Variants in COL5A3 observed in about 807,000 individuals in gnomAD.
The protein encoded by COL5A3 is collagen alpha-3(V) chain.
In COL5A3, 172 loss-of-function variants were observed where a neutral mutation model predicts 250.0. That is an observed-to-expected ratio of 0.69 (90% CI 0.61 to 0.78). The LOEUF (loss-of-function observed/expected upper bound fraction) is 0.78. Ranked by LOEUF, COL5A3 falls within the 30% of genes least tolerant of loss-of-function variation. COL5A3 has a pLI of 0.00. For synonymous variants in COL5A3, 937 were observed against 900.4 expected (o/e 1.04, Z -0.73); for missense variants, 2,340 against 2,334.4 (o/e 1.00, Z -0.05).
Position 10,009,423 on chromosome 19 carries a change from C to T in COL5A3, c.88+875G>A, listed in dbSNP as rs2087493191. On this transcript the variant is annotated intron_variant, in intron 1 of 66. Coordinates refer to ENST00000264828, the MANE Select transcript of COL5A3 (RefSeq NM_015719.4). This position sits in a 1 kb window ranked among gnomAD's most constrained non-coding sequence, Gnocchi z 4.4. ...GCTGACTCACCCATCCGGCGGCCCC[C>T]GGGACCCCTTGGGGGCTCCTGAGAA... Among the ~76,000 whole-genome samples the T allele has an allele frequency of 1.3e-5, 2 of 148,498 alleles. No homozygotes were observed. The highest frequency in any genetic ancestry group is 4.5e-4 in the South Asian group (2 of 4,466).
At chr19:10,008,186 G>C (rs956587536) in intron 1 of COL5A3, among the ~76,000 whole-genome samples, 1 of 151,994 alleles carries the variant, frequency 6.6e-6, no homozygotes, top group East Asian at 1.9e-4. Flanking sequence ...GATTGAGACC[G>C]ACGACCTCAC....
At chr19:9,999,469 C>CTTTTTTTTTTTTTTTTTTTTTTTTTTTT (rs530527039) in intron 8 of COL5A3, among the ~76,000 whole-genome samples, 1 of 120,400 alleles carries the variant, frequency 8.3e-6, no homozygotes, top group Non-Finnish European at 1.6e-5. Flanking sequence ...TTTCTTTTTT[C>CTTTTTTTTTTTTTTTTTTTTTTTTTTTT]TTTTTTTTTT....
At chr19:10,010,246 G>T in intron 1 of COL5A3, 52 bp downstream of exon 1, 2 of 851,634 alleles carry the variant, frequency 2.3e-6, no homozygotes, top group Non-Finnish European at 3.3e-6. Flanking sequence ...CGCTCTTTTA[G>T]AGCCTCTCTG....
rs2086785489 is a variant in COL5A3 at position 9,968,463 on chromosome 19, G to A, written c.4236C>T (p.Gly1412=). 5 of 1,587,644 alleles carry A rather than the reference G, an allele frequency of 3.1e-6. No homozygotes were observed. The highest frequency in any genetic ancestry group is 1.4e-5 in the African/African-American group (1 of 72,924). ...CTTTCTCACCAGCTTCTCCCGGGGGGCCAATGAGACCGATCAATCCAATGT... is the reference window on the plus strand; with the variant it reads ...CTTTCTCACCAGCTTCTCCCGGGGGACCAATGAGACCGATCAATCCAATGT... The part of the protein sequence containing the change: ...KGHIGLIGLI[G]PPGEAGEKGD... Residue 1412 remains glycine, a synonymous_variant, in exon 59 of 67, where the codon GGC becomes GGT. Transcript: ENST00000264828. The surrounding 1 kb of genome is among the most constrained non-coding windows in gnomAD (Gnocchi z 4.1).
chr19:9,980,558 C>T, intron 35 of COL5A3, 90 bp downstream of exon 35: 7 of 1,527,000 alleles, frequency 4.6e-6, no homozygotes, highest in Non-Finnish European at 6.2e-6. Context: ...ATTATAATGT[C>T]TCTTCATCTC....
At position 10,006,894 on chromosome 19, in the gene COL5A3, T is replaced by C. The variant is rs114823571; in HGVS notation, c.89-663A>G. Among the ~76,000 whole-genome samples the C allele has an allele frequency of 6.3e-3, 950 of 151,962 alleles. 9 individuals are homozygous for C. The highest frequency in any genetic ancestry group is 0.021 in the African/African-American group (885 of 41,404). On this transcript the variant is annotated intron_variant, in intron 1 of 66. Coordinates refer to ENST00000264828, the MANE Select transcript of COL5A3 (RefSeq NM_015719.4). ...TGATCCCAAACTCCTCCTTCTGAAT[T>C]TCCCCTTTGACCTCTTCCCTCTGAC...
intron 64 of COL5A3, among the ~76,000 whole-genome samples, chr19:9,964,412 C>A (rs1387892679): frequency 6.6e-6 from 1 of 152,018 alleles, no homozygotes; most frequent in African/African-American, 2.4e-5. Flanking sequence ...CCAGCCTGGG[C>A]AACATAGTGA....
rs769398950 is a variant in COL5A3 at position 9,989,356 on chromosome 19, C to G, written c.2057G>C (p.Gly686Ala). Residue 686 changes from glycine to alanine, a missense_variant, in exon 26 of 67, where the codon GGA becomes GCA. Transcript: ENST00000264828. Reference protein sequence around the residue: ...PGSDGPLGHPGHEGPTGEKGA... With the variant: ...PGSDGPLGHPAHEGPTGEKGA... ...TTTCTCTCCCGTGGGGCCCTCATGT[C>G]CTGGGTGACCCTGGGGAAGAAACAT... 1 of 1,614,210 alleles carries G rather than the reference C, an allele frequency of 6.2e-7. No individual in the cohort carries two copies. Among genetic ancestry groups the G allele is most frequent in the Admixed American group, 1.7e-5 (1 of 60,020 alleles).
chr19:9,990,648 C>T (rs879735674), intron 24 of COL5A3, among the ~76,000 whole-genome samples: 5 of 151,780 alleles, frequency 3.3e-5, no homozygotes, highest in African/African-American at 4.8e-5. Context: ...CTGCAAGCTC[C>T]GCCTCCCAGG....
chr19:10,006,104 C>T lies in COL5A3; in HGVS notation c.216G>A (p.Thr72=), dbSNP rs764397424. The T allele has an allele frequency of 9.3e-6, 15 of 1,613,864 alleles. No individual in the cohort carries two copies. Among genetic ancestry groups the T allele is most frequent in the Admixed American group, 3.3e-5 (2 of 59,992 alleles). Reference sequence around the variant, plus strand: ...AGAGTTCCCACGTGGGGATGCCGAGCGTGCTGGCCTGGCCAATTCTGAATG... The same window carrying T: ...AGAGTTCCCACGTGGGGATGCCGAGTGTGCTGGCCTGGCCAATTCTGAATG... ...DRAFRIGQAS[T]LGIPTWELFP... Residue 72 remains threonine (T), a synonymous_variant, in exon 2 of 67, where the codon ACG becomes ACA. Transcript: ENST00000264828.
chr19:9,962,102 T>A (rs2086682271), intron 65 of COL5A3, among the ~76,000 whole-genome samples: 1 of 151,920 alleles, frequency 6.6e-6, no homozygotes, highest in African/African-American at 2.4e-5. Flanking sequence ...ACAAAATATC[T>A]TAATAATGCT....
In COL5A3 at chr19:9,989,135, G is replaced by A. The variant is rs541298042; in HGVS notation, c.2134C>T (p.Arg712Trp). The A allele has an allele frequency of 2.9e-5, 46 of 1,614,026 alleles. No homozygotes were observed. Among genetic ancestry groups the A allele is most frequent in the South Asian group, 4.4e-5 (4 of 91,084 alleles). ...SAGPPGYPGP[R>W]GVKGTSGNRG... ...AGCGTATCACCTACCTTCACTCCCCGAGGTCCAGGATAGCCCGGAGGGCCT... is the reference window on the plus strand; with the variant it reads ...AGCGTATCACCTACCTTCACTCCCCAAGGTCCAGGATAGCCCGGAGGGCCT... Residue 712 changes from arginine to tryptophan, a missense_variant, in exon 27 of 67, where the codon CGG becomes TGG. Transcript: ENST00000264828.
At chr19:9,992,532 G>A (rs889396273) in intron 21 of COL5A3, among the ~76,000 whole-genome samples, 2 of 152,156 alleles carry the variant, frequency 1.3e-5, no homozygotes, top group South Asian at 2.1e-4. Context: ...GCTCAGGCCT[G>A]TAATCCCAGC....
chr19:9,983,692 G>A (rs1048181575), intron 31 of COL5A3, among the ~76,000 whole-genome samples: 2 of 140,616 alleles, frequency 1.4e-5, no homozygotes, highest in Admixed American at 1.5e-4. Flanking sequence ...AAAGAAAGAA[G>A]GAAAGAAAGA....
At chr19:10,008,253 G>A (rs1276971085) in intron 1 of COL5A3, among the ~76,000 whole-genome samples, 1 of 152,170 alleles carries the variant, frequency 6.6e-6, no homozygotes, top group Non-Finnish European at 1.5e-5. Context: ...AGGAAAGAGG[G>A]TCTTCCCTCA....
intron 1 of COL5A3, among the ~76,000 whole-genome samples, chr19:10,007,761 T>G (rs969271667): frequency 6.6e-6 from 1 of 152,164 alleles, no homozygotes; most frequent in African/African-American, 2.4e-5. Context: ...CCACTCTTCC[T>G]AGGTCAGAAC....
Position 9,998,476 on chromosome 19 carries a change from C to T in COL5A3, c.1111-327G>A, listed in dbSNP as rs184879544. Among the ~76,000 whole-genome samples the T allele has an allele frequency of 2.0e-3, 306 of 152,204 alleles. 2 individuals carry two copies. Among genetic ancestry groups the T allele is most frequent in the African/African-American group, 6.8e-3 (284 of 41,520 alleles). On this transcript the variant is annotated intron_variant, in intron 8 of 66. Coordinates refer to ENST00000264828, the MANE Select transcript of COL5A3 (RefSeq NM_015719.4). ...ACCCCTATGGCCACTTACAGGTAAC[C>T]GGTCAACCTGTAAAGTCAGTGGATG...
intron 16 of COL5A3, among the ~76,000 whole-genome samples, chr19:9,994,662 A>G (rs2087245156): frequency 7.2e-6 from 1 of 139,620 alleles, no homozygotes; most frequent in African/African-American, 2.6e-5. Context: ...TCAGTGGGCA[A>G]TTTTGTCATT....
At position 10,000,452 on chromosome 19, in the gene COL5A3, C is replaced by CTTTTTTT. The variant is rs576119335; in HGVS notation, c.1110+1065_1110+1071dup. Among the ~76,000 whole-genome samples the CTTTTTTT allele has an allele frequency of 1.2e-3, 77 of 62,798 alleles. 10 individuals are homozygous for CTTTTTTT. The highest frequency in any genetic ancestry group is 1.5e-3 in the Non-Finnish European group (51 of 34,592). The allele number at this position is 62,798 out of a possible 152,430, so 41.2% of individuals were successfully genotyped here. ...TGTGCCATTCAGCAGCCAGAGAGCT[C>CTTTTTTT]TTTTTTTTTTTTTTTTTTTTTTTTT... is the stretch of plus-strand genomic sequence containing the variant. On this transcript the variant is annotated intron_variant, in intron 8 of 66. Coordinates refer to ENST00000264828, the MANE Select transcript of COL5A3 (RefSeq NM_015719.4).
Sources: gnomAD v4.1 joint callset for allele counts (sites outside exome capture counted in the v4.1 genomes callset) on GRCh38, gnomAD v4.1.1 for gene constraint, Gnocchi (gnomAD v3.1) non-coding constraint, MANE v1.5 for transcripts, NCBI Gene and HGNC (gene_info 2026-07-23, HGNC 2026-07-21) for gene names.